RASSF5: variants seen among roughly 807,000 people sequenced by gnomAD.
The protein encoded by RASSF5 is Ras association domain family member 5, also known as ras association domain-containing protein 5.
Under a neutral mutation model 40.5 loss-of-function variants are expected in RASSF5, and 25 were observed. The ratio of observed to expected loss-of-function variants is 0.62; its 90% CI spans 0.45 to 0.86. RASSF5 has a LOEUF of 0.86. Among genes scored for constraint, RASSF5 ranks in the 40% least tolerant of loss-of-function variants. The pLI is 0.00. For synonymous variants in RASSF5, 246 were observed against 252.4 expected, an observed-to-expected ratio of 0.97 and a Z score of 0.24; for missense variants, 521 against 572.8, an observed-to-expected ratio of 0.91 and a Z score of 0.92.
chr1:206,583,246 C>G, intron 2 of RASSF5, 23 bp from the exon 3 acceptor site: 1 of 1,505,750 alleles, frequency 6.6e-7, no homozygotes, highest in South Asian at 1.1e-5. Flanking sequence ...ACACATCCAC[C>G]TCCACTTCTG....
chr1:206,542,264 TG>T (rs1347464150), intron 2 of RASSF5: 1 of 151,998 alleles, frequency 6.6e-6, no homozygotes, highest in African/African-American at 2.4e-5. Context: ...GTCATGGGGG[TG>T]GATCCCTCAT....
intron 1 of RASSF5, among the ~76,000 whole-genome samples, chr1:206,515,887 T>G (rs1294113670): frequency 6.6e-6 from 1 of 152,116 alleles, no homozygotes; most frequent in East Asian, 1.9e-4. Context: ...AGTATTAACC[T>G]CCCCCACCTC....
At chr1:206,522,838 C>T (rs560030736) in intron 1 of RASSF5, among the ~76,000 whole-genome samples, 1 of 152,020 alleles carries the variant, frequency 6.6e-6, no homozygotes, top group South Asian at 2.1e-4. Flanking sequence ...CAAAGAACCC[C>T]CTAACATGTA....
Position 206,585,254 on chromosome 1 carries a change from C to T in RASSF5, c.1063C>T (p.Leu355Phe). 1 of 1,614,160 alleles carries T rather than the reference C, an allele frequency of 6.2e-7. No homozygotes were observed. Among genetic ancestry groups the T allele is most frequent in the Non-Finnish European group, 8.5e-7 (1 of 1,180,016 alleles). ...RLLAGPDTEV[L>F]SFVLKENETG... Reference sequence around the variant, plus strand: ...GCTTGCTGGGCCTGACACGGAGGTCCTCAGCTTTGTGCTAAAGGAGAATGA... The same window carrying T: ...GCTTGCTGGGCCTGACACGGAGGTCTTCAGCTTTGTGCTAAAGGAGAATGA... Residue 355 changes from leucine to phenylalanine, a missense_variant, in exon 5 of 6, where the codon CTC (leucine) becomes TTC (phenylalanine). Around this residue, in one of 2 missense-constraint regions of RASSF5, gnomAD observed 284 missense variants for 360.8 expected, o/e 0.79. Transcript: ENST00000579436.
rs1467392593 is a variant in RASSF5, at chr1:206,560,347, A to C, written c.579+22054A>C. ...CCAGGAGTTCCCAAGACTCCTCTCC[A>C]ATGCCCTTTGGGAAGAGGTCGGAGG... On this transcript the variant is annotated intron_variant, in intron 2 of 5. Coordinates refer to ENST00000579436, the MANE Select transcript of RASSF5 (RefSeq NM_182663.4). The surrounding 1 kb of genome is among the most constrained non-coding windows in gnomAD (Gnocchi z 5.1). 6.6e-6 allele frequency among the ~76,000 whole-genome samples: 1 copy of C among 152,178 alleles called. No homozygotes were observed. Among genetic ancestry groups the C allele is most frequent in the Admixed American group, 6.5e-5 (1 of 15,284 alleles).
At chr1:206,525,086 C>G (rs1374899847) in intron 1 of RASSF5, among the ~76,000 whole-genome samples, 2 of 152,208 alleles carry the variant, frequency 1.3e-5, no homozygotes, top group Non-Finnish European at 2.9e-5. Flanking sequence ...CCTCTGCCCA[C>G]TCCTCCCAAG....
chr1:206,529,387 T>C, intron 1 of RASSF5: 1 of 754,236 alleles, frequency 1.3e-6, no homozygotes, highest in South Asian at 1.4e-5. Flanking sequence ...GCACATGACG[T>C]GGATCCCATT....
At chr1:206,545,410 G>C (rs1667658315) in intron 2 of RASSF5, among the ~76,000 whole-genome samples, 1 of 148,672 alleles carries the variant, frequency 6.7e-6, no homozygotes, top group Non-Finnish European at 1.5e-5. Context: ...GAGTGTAGTG[G>C]TGCTCATTGT....
Position 206,586,821 on chromosome 1 carries a change from C to T in RASSF5, c.1105-5C>T. ...CTTCCCACAAATCTCCCTCTCGCCTCACAGTGGGATGCCTTCTCCATCCCT... is the reference window on the plus strand; with the variant it reads ...CTTCCCACAAATCTCCCTCTCGCCTTACAGTGGGATGCCTTCTCCATCCCT... On this transcript the variant is annotated splice_polypyrimidine_tract_variant and splice_region_variant and intron_variant, in intron 5 of 5. Transcript: ENST00000579436. 6.2e-7 allele frequency: 1 copy of T among 1,611,964 alleles called. No individual in the cohort carries two copies. The highest frequency in any genetic ancestry group is 2.2e-5 in the East Asian group (1 of 44,868).
intron 2 of RASSF5, among the ~76,000 whole-genome samples, chr1:206,581,921 G>A (rs562591367): frequency 1.3e-5 from 2 of 152,122 alleles, no homozygotes; most frequent in Admixed American, 6.6e-5. Flanking sequence ...GTGATGTGAC[G>A]TCGCGGCAGC....
chr1:206,510,411 T>G (rs1553394485), intron 1 of RASSF5, among the ~76,000 whole-genome samples: 2 of 152,018 alleles, frequency 1.3e-5, no homozygotes, highest in African/African-American at 4.8e-5. Context: ...ATTACCTACT[T>G]CATCATGTTA....
intron 2 of RASSF5, among the ~76,000 whole-genome samples, chr1:206,579,000 T>C (rs1167559205): frequency 5.3e-5 from 8 of 152,158 alleles, no homozygotes; most frequent in African/African-American, 1.9e-4. Context: ...GTTAAGAATA[T>C]TTAAATGGAA....
In RASSF5 at chr1:206,588,716, C is replaced by CT. The variant is rs1461231142; in HGVS notation, c.*1739dup. 1 of 152,700 alleles carries CT rather than the reference C, an allele frequency of 6.5e-6. No homozygotes were observed. The highest frequency in any genetic ancestry group is 1.5e-5 in the Non-Finnish European group (1 of 68,062). The allele number at this position is 152,700 out of a possible 1,614,324, so 9.5% of individuals were successfully genotyped here. On this transcript the variant is annotated 3_prime_UTR_variant, in exon 6 of 6. Coordinates refer to ENST00000579436, the MANE Select transcript of RASSF5 (RefSeq NM_182663.4). ...TCAAAGGCAACACAAGCTCGCAACT[C>CT]TAAGATTTTTTTAAACCACAAAAAC...
intron 1 of RASSF5, among the ~76,000 whole-genome samples, chr1:206,530,003 C>T (rs1027039335): frequency 2.0e-5 from 3 of 152,116 alleles, no homozygotes; most frequent in Non-Finnish European, 4.4e-5. Flanking sequence ...TGAAATAATG[C>T]ATGTAGAATA....
intron 2 of RASSF5, among the ~76,000 whole-genome samples, chr1:206,559,268 T>C (rs1402415142): frequency 6.6e-6 from 1 of 152,242 alleles, no homozygotes; most frequent in Non-Finnish European, 1.5e-5. Flanking sequence ...TGTGCCTGCC[T>C]CTCACTGCCA....
chr1:206,543,565 A>ATGTGTGTGTGTGTGTGTG, intron 2 of RASSF5: 1 of 149,720 alleles, frequency 6.7e-6, no homozygotes, highest in Non-Finnish European at 1.5e-5. Context: ...GTGTGTGTGT[A>ATGTGTGTGTGTGTGTGTG]TGTGTGTGTG....
rs1553394911 is a variant in RASSF5 at position 206,513,187 on chromosome 1, T to G, written c.457+5128T>G. Among the ~76,000 whole-genome samples, 1 of 152,152 alleles carries G rather than the reference T, an allele frequency of 6.6e-6. No homozygotes were observed. The highest frequency in any genetic ancestry group is 1.5e-5 in the Non-Finnish European group (1 of 68,002). On this transcript the variant is annotated intron_variant, in intron 1 of 5. Coordinates refer to ENST00000579436, the MANE Select transcript of RASSF5 (RefSeq NM_182663.4). This position sits in a 1 kb window ranked among gnomAD's most constrained non-coding sequence, Gnocchi z 5.0. ...GGTCCCAGCTCCTGCACCCCAGTGT[T>G]CTCCCACAGGGTTCTCTCTGGCTCC...
chr1:206,562,282 C>A (rs1209893021), intron 2 of RASSF5, among the ~76,000 whole-genome samples: 1 of 152,196 alleles, frequency 6.6e-6, no homozygotes, highest in Non-Finnish European at 1.5e-5. Flanking sequence ...CACACCCAGG[C>A]CTCAGGCATG....
intron 2 of RASSF5, among the ~76,000 whole-genome samples, chr1:206,546,381 G>A (rs1268875449): frequency 6.6e-6 from 1 of 151,930 alleles, no homozygotes; most frequent in Non-Finnish European, 1.5e-5. Context: ...AAAGTGCTGG[G>A]ATTATGGGTA....
Sources: gnomAD v4.1 joint callset for allele counts (sites outside exome capture counted in the v4.1 genomes callset) on GRCh38, gnomAD v4.1.1 for gene constraint, gnomAD v4.1.1 regional missense constraint, Gnocchi (gnomAD v3.1) non-coding constraint, MANE v1.5 for transcripts, NCBI Gene and HGNC (gene_info 2026-07-23, HGNC 2026-07-21) for gene names.